Variants in HDAC9 observed in about 807,000 individuals in gnomAD.
HDAC9 encodes MEF-2 interacting transcription repressor (MITR) protein.
In HDAC9, 41 loss-of-function variants were observed where a neutral mutation model predicts 139.4. The observed-to-expected ratio is 0.29, with a 90% CI of 0.23 to 0.38. The LOEUF is 0.38. HDAC9 is among the 10% of genes least tolerant of loss of function. The pLI, the probability that HDAC9 is intolerant of heterozygous loss-of-function variation, is 1.00. For synonymous variants in HDAC9, 517 were observed against 476.2 expected, an observed-to-expected ratio of 1.09 and a Z score of -1.12; for missense variants, 1,147 against 1,297.0, an observed-to-expected ratio of 0.88 and a Z score of 1.78.
At chr7:18,353,535 C>CT (rs1783018816) in intron 1 of HDAC9, among the ~76,000 whole-genome samples, 1 of 152,158 alleles carries the variant, frequency 6.6e-6, no homozygotes, top group Admixed American at 6.6e-5. Flanking sequence ...ATTCTTGCTG[C>CT]TGAGTGATCC....
At chr7:18,864,089 A>G (rs191815025) in intron 21 of HDAC9, among the ~76,000 whole-genome samples, 37 of 152,328 alleles carry the variant, frequency 2.4e-4, no homozygotes, top group East Asian at 1.7e-3. Flanking sequence ...ATTCTCACCA[A>G]CAGTGTACAA....
At chr7:18,489,992 A>G (rs1351494426) in intron 1 of HDAC9, among the ~76,000 whole-genome samples, 1 of 152,068 alleles carries the variant, frequency 6.6e-6, no homozygotes, top group East Asian at 1.9e-4. Context: ...TTTCTTAGCA[A>G]TCCACCTTAG....
At chr7:18,758,296 C>A (rs111779161) in intron 14 of HDAC9, among the ~76,000 whole-genome samples, 19 of 152,088 alleles carry the variant, frequency 1.2e-4, no homozygotes, top group Non-Finnish European at 5.9e-5. Flanking sequence ...GATAACTTTA[C>A]GTAGATATCC....
intron 14 of HDAC9, among the ~76,000 whole-genome samples, chr7:18,757,913 T>C (rs114027194): frequency 0.013 from 1,993 of 152,276 alleles, 48 homozygotes; most frequent in African/African-American, 0.046. Flanking sequence ...GATATGGTCA[T>C]TTTAAATAAC....
rs974175921 is a variant in HDAC9, at chr7:18,600,768, G to T, written c.664+6739G>T. 4.6e-5 allele frequency among the ~76,000 whole-genome samples: 7 copies of T among 152,094 alleles called. No homozygotes were observed. In the East Asian group the frequency reaches 1.3e-3, roughly 29 times the overall value. On this transcript the variant is annotated intron_variant, in intron 6 of 25. Coordinates refer to ENST00000686413, the MANE Select transcript of HDAC9 (RefSeq NM_178425.4). ...GCTATCCTGAGTCTTTTGCCTCTGG[G>T]TATAAAGTTTAGAATCTGTTTGTCA...
chr7:18,367,062 C>A (rs187934609), intron 1 of HDAC9, among the ~76,000 whole-genome samples: 1 of 151,938 alleles, frequency 6.6e-6, no homozygotes, highest in South Asian at 2.1e-4. Context: ...CATTTTCTTT[C>A]AGAATATACA....
At chr7:18,515,818 T>C (rs1803005924) in intron 2 of HDAC9, among the ~76,000 whole-genome samples, 1 of 152,226 alleles carries the variant, frequency 6.6e-6, no homozygotes, top group Admixed American at 6.5e-5. Flanking sequence ...ATGAATGGAT[T>C]GAATATCATC....
At chr7:18,713,309 G>A (rs145550281) in intron 12 of HDAC9, among the ~76,000 whole-genome samples, 1 of 152,266 alleles carries the variant, frequency 6.6e-6, no homozygotes, top group East Asian at 1.9e-4. Context: ...ATAGTTTGGT[G>A]ATGAGCATTG....
At chr7:18,246,776 G>A (rs1463858449) in intron 2 of HDAC9, among the ~76,000 whole-genome samples, 1 of 152,154 alleles carries the variant, frequency 6.6e-6, no homozygotes, top group African/African-American at 2.4e-5. Flanking sequence ...CTATGCAAGA[G>A]TAGGTCGTAT....
chr7:18,849,469 A>G (rs113631266), intron 21 of HDAC9, among the ~76,000 whole-genome samples: 382 of 152,228 alleles, frequency 2.5e-3, no homozygotes, highest in Non-Finnish European at 4.6e-3. Context: ...ACAGTCATAT[A>G]TTTTTTGTTT....
At chr7:18,107,646 T>A (rs543518678) in intron 1 of HDAC9, among the ~76,000 whole-genome samples, 2 of 152,240 alleles carry the variant, frequency 1.3e-5, no homozygotes, top group South Asian at 4.1e-4. Context: ...GGTGTTAGAT[T>A]TAAGGCCTAA....
At chr7:18,437,554 TATATATATATAA>T (rs1791324855) in intron 1 of HDAC9, among the ~76,000 whole-genome samples, 1 of 149,488 alleles carries the variant, frequency 6.7e-6, no homozygotes, top group Non-Finnish European at 1.5e-5. Context: ...ATCTGGAAAT[TATATATATATAA>T]TCTGAAAGTT....
intron 4 of HDAC9, among the ~76,000 whole-genome samples, chr7:18,590,948 G>A (rs1324430980): frequency 1.3e-5 from 2 of 152,166 alleles, no homozygotes; most frequent in African/African-American, 4.8e-5. Context: ...CCACAAGAGG[G>A]AGACAGATCC....
At chr7:18,406,398 A>AT (rs1788007605) in intron 1 of HDAC9, among the ~76,000 whole-genome samples, 2 of 147,580 alleles carry the variant, frequency 1.4e-5, no homozygotes, top group Non-Finnish European at 3.0e-5. Context: ...CTTTTTTTTT[A>AT]TTTTTTTCTT....
At chr7:18,995,606 C>T (rs765651847) in intron 25 of HDAC9, among the ~76,000 whole-genome samples, 1 of 152,150 alleles carries the variant, frequency 6.6e-6, no homozygotes, top group Non-Finnish European at 1.5e-5. Context: ...AAGCAAAAAC[C>T]AGAGCCCTAG....
intron 1 of HDAC9, among the ~76,000 whole-genome samples, chr7:18,405,709 A>G (rs1787942840): frequency 6.6e-6 from 1 of 152,244 alleles, no homozygotes; most frequent in Non-Finnish European, 1.5e-5. Flanking sequence ...GGCAGAACTG[A>G]TAGTGTTAGA....
chr7:18,259,578 T>A (rs766192029), intron 2 of HDAC9, among the ~76,000 whole-genome samples: 1 of 152,042 alleles, frequency 6.6e-6, no homozygotes, highest in Non-Finnish European at 1.5e-5. Context: ...TTACCCAGAC[T>A]GGTTTCAAAT....
At chr7:18,777,031 C>T (rs955974894) in intron 16 of HDAC9, among the ~76,000 whole-genome samples, 8 of 151,846 alleles carry the variant, frequency 5.3e-5, no homozygotes, top group Non-Finnish European at 1.0e-4. Context: ...TCTAGGCACA[C>T]GCTGAGATGC....
At chr7:18,179,342 G>C (rs568572957) in intron 2 of HDAC9, among the ~76,000 whole-genome samples, 14 of 152,292 alleles carry the variant, frequency 9.2e-5, no homozygotes, top group African/African-American at 3.4e-4. Context: ...ACTTGCCCCA[G>C]TCCAAATGAG....
Sources: allele counts gnomAD v4.1 joint callset (sites outside exome capture counted in the v4.1 genomes callset), GRCh38; gene constraint gnomAD v4.1.1; transcripts MANE v1.5; gene names NCBI Gene and HGNC (gene_info 2026-07-23, HGNC 2026-07-21).